The following GSTA5 variants were observed in gnomAD, a reference collection of about 807,000 sequenced individuals.
The protein encoded by GSTA5 is glutathione S-transferase A5.
GSTA5 carries 25 observed loss-of-function variants against 21.8 expected under a neutral mutation model. The ratio of observed to expected loss-of-function variants is 1.14; its 90% CI spans 0.83 to 1.60. The LOEUF (loss-of-function observed/expected upper bound fraction) is 1.60, where lower values mean the gene tolerates loss of function less well. Ranked by LOEUF, GSTA5 falls within the 40% of genes most tolerant of loss-of-function variation. GSTA5 has a pLI of 0.00. For missense variants in GSTA5, 330 were observed against 259.2 expected, an observed-to-expected ratio of 1.27 and a Z score of -1.88; for synonymous variants, 102 against 89.5, an observed-to-expected ratio of 1.14 and a Z score of -0.78.
In GSTA5 at chr6:52,840,726, C is replaced by T. The variant is rs545474498; in HGVS notation, c.87+1G>A. 5.0e-5 allele frequency: 80 copies of T among 1,613,732 alleles called. 1 individual carries two copies. In the East Asian group the frequency reaches 1.6e-3, roughly 33 times the overall value. On this transcript the variant is annotated splice_donor_variant, in intron 1 of 5. Transcript: ENST00000370989. LOFTEE classifies it high-confidence loss of function. The stretch of plus-strand genomic sequence containing the variant: ...TTAAGATGACCTTACTCAGAACCTA[C>T]CTCTACTCCAGCTGCAGCCAGGAGC...
chr6:52,842,037 A>G (rs550613094), upstream of GSTA5, among the ~76,000 whole-genome samples: 1 of 152,346 alleles, frequency 6.6e-6, no homozygotes, highest in Non-Finnish European at 1.5e-5. Flanking sequence ...TATTGTGTGT[A>G]TGGATGTTTG....
chr6:52,832,138 T>G (rs1764225979), intron 5 of GSTA5, among the ~76,000 whole-genome samples, 168 bp from the exon 6 acceptor site: 2 of 152,154 alleles, frequency 1.3e-5, no homozygotes, highest in South Asian at 4.1e-4. Flanking sequence ...ATAAGAGGAA[T>G]AACATGTAGC....
At chr6:52,840,686 A>T (rs1273413539) in intron 1 of GSTA5, 41 bp downstream of exon 1, 3 of 1,565,186 alleles carry the variant, frequency 1.9e-6, no homozygotes, top group Non-Finnish European at 1.8e-6. Flanking sequence ...GTGATAACGC[A>T]ATTTTAAATC....
intron 4 of GSTA5, among the ~76,000 whole-genome samples, chr6:52,833,308 A>G (rs1251919743): frequency 4.6e-5 from 7 of 152,138 alleles, no homozygotes; most frequent in Non-Finnish European, 8.8e-5. Context: ...TGTCTGCCCC[A>G]GGCCCTACAG....
Position 52,836,383 on chromosome 6 carries a change from A to T in GSTA5, c.140-15T>A. 1.2e-6 allele frequency: 2 copies of T among 1,613,064 alleles called. No homozygotes were observed. Among genetic ancestry groups the T allele is most frequent in the Non-Finnish European group, 1.7e-6 (2 of 1,179,466 alleles). On this transcript the variant is annotated splice_polypyrimidine_tract_variant and intron_variant, in intron 2 of 5. Coordinates refer to ENST00000370989, the Ensembl canonical transcript of GSTA5. ...CAAACTCCCATCTTAGAAAGAAGAA[A>T]AAAAAAGGAGTATGAAGTGTCTATG...
rs191524006 is a variant in GSTA5, at chr6:52,836,490, G to C, written c.140-122C>G. 97 of 1,013,206 alleles carry C rather than the reference G, an allele frequency of 9.6e-5. No individual in the cohort carries two copies. In the Middle Eastern group the frequency reaches 1.1e-3, roughly 11 times the overall value. The allele number at this position is 1,013,206 out of a possible 1,614,324, so 62.8% of individuals were successfully genotyped here. ...TGAAAAAGAAATTATTGCCTGTTAA[G>C]TTTTCACTTGAAACAACTTTTTTCC... On this transcript the variant is annotated intron_variant, in intron 2 of 5. Transcript: ENST00000370989.
rs557863511 is a variant in GSTA5, at chr6:52,831,696, CAG to C, written c.*150_*151del. 415 of 884,960 alleles carry C rather than the reference CAG, an allele frequency of 4.7e-4. 3 individuals carry two copies. In the Admixed American group the frequency reaches 9.8e-3, roughly 21 times the overall value. The allele number at this position is 884,960 out of a possible 1,614,324, so 54.8% of individuals were successfully genotyped here. ...AACAAATCAATTTTAGCTAAGTTGA[CAG>C]ATAAGAGTTATTTATTATTTAATTA... On this transcript the variant is annotated 3_prime_UTR_variant, in exon 6 of 6. Coordinates refer to ENST00000370989, the Ensembl canonical transcript of GSTA5.
chr6:52,834,892 C>G (rs914626638), intron 3 of GSTA5, among the ~76,000 whole-genome samples: 1 of 152,166 alleles, frequency 6.6e-6, no homozygotes, highest in Non-Finnish European at 1.5e-5. Context: ...TCCTGAGACC[C>G]CACCTAAGAA....
chr6:52,833,542 G>A (rs7745053), intron 4 of GSTA5, among the ~76,000 whole-genome samples: 5,963 of 152,180 alleles, frequency 0.039, 213 homozygotes, highest in South Asian at 0.13. Flanking sequence ...TTACAGCATC[G>A]ACTCTGGTTC....
exon 1 of GSTA5, chr6:52,840,775 C>A (rs1475682954): frequency 6.2e-7 from 1 of 1,613,996 alleles, no homozygotes; most frequent in African/African-American, 1.3e-5. Context: ...CCATACTGCC[C>A]CGTGCATTGG....
chr6:52,834,441 A>G (rs893086064), intron 3 of GSTA5, among the ~76,000 whole-genome samples, 159 bp from the exon 4 acceptor site: 1 of 152,178 alleles, frequency 6.6e-6, no homozygotes, highest in African/African-American at 2.4e-5. Flanking sequence ...TTTTACAGGT[A>G]TATAGTCATT....
At position 52,837,608 on chromosome 6, in the gene GSTA5, A is replaced by T; in HGVS notation, c.89T>A (p.Leu30Ter). 1 of 1,605,236 alleles carries T rather than the reference A, an allele frequency of 6.2e-7. No homozygotes were observed. The highest frequency in any genetic ancestry group is 1.1e-5 in the South Asian group (1 of 90,800). Residue 30 changes from leucine to a stop codon, truncating the protein, a stop_gained and splice_region_variant, in exon 2 of 6, where the codon TTG becomes TAG. Transcript: ENST00000370989. LOFTEE classifies it high-confidence loss of function. The stretch of plus-strand genomic sequence containing the variant: ...TGCAGATTCTAGAAATTTCTCTTCC[A>T]ACTGGAAGCAGAAACAGTAAATGGG...
chr6:52,831,764 C>T, exon 6 of GSTA5: 1 of 1,505,196 alleles, frequency 6.6e-7, no homozygotes, highest in Non-Finnish European at 9.1e-7. Context: ...ACAAGAGGCA[C>T]AATCCACACT....
intron 4 of GSTA5, among the ~76,000 whole-genome samples, chr6:52,833,658 T>C (rs1764248569): frequency 6.6e-6 from 1 of 152,204 alleles, no homozygotes; most frequent in Non-Finnish European, 1.5e-5. Context: ...TTCCTCTGCA[T>C]CCCACAGTCA....
At chr6:52,833,394 C>T (rs961323350) in intron 4 of GSTA5, among the ~76,000 whole-genome samples, 5 of 152,072 alleles carry the variant, frequency 3.3e-5, no homozygotes, top group African/African-American at 1.2e-4. Flanking sequence ...GCAGTGACTC[C>T]ACCTTCATGA....
chr6:52,843,363 C>T (rs969268271), upstream of GSTA5, among the ~76,000 whole-genome samples: 5 of 152,204 alleles, frequency 3.3e-5, no homozygotes, highest in Non-Finnish European at 7.4e-5. Flanking sequence ...TTTACACTCC[C>T]ACCAACAGTG....
At chr6:52,841,245 G>T (rs536919784), upstream of GSTA5, among the ~76,000 whole-genome samples, 8 of 152,196 alleles carry the variant, frequency 5.3e-5, no homozygotes, top group African/African-American at 1.9e-4. Context: ...CCAATTTTTA[G>T]TTAATGAAAT....
chr6:52,837,590 T>C, exon 2 of GSTA5: 1 of 1,608,604 alleles, frequency 6.2e-7, no homozygotes, highest in South Asian at 1.1e-5. Flanking sequence ...TTCTGCAGAT[T>C]CTAGAAATTT....
At chr6:52,839,321 C>G (rs564487272) in intron 1 of GSTA5, among the ~76,000 whole-genome samples, 2 of 152,224 alleles carry the variant, frequency 1.3e-5, no homozygotes, top group East Asian at 3.9e-4. Flanking sequence ...AGCCTTGCCC[C>G]TCCCTCCCTC....
Sources: gnomAD v4.1 joint callset for allele counts (sites outside exome capture counted in the v4.1 genomes callset) on GRCh38, gnomAD v4.1.1 for gene constraint, MANE v1.5 for transcripts, NCBI Gene and HGNC (gene_info 2026-07-23, HGNC 2026-07-21) for gene names.